KMO: variants seen among roughly 807,000 people sequenced by gnomAD.
KMO encodes kynurenine 3-hydroxylase.
In KMO, 24 loss-of-function variants were observed where a neutral mutation model predicts 57.8. That is an observed-to-expected ratio of 0.42 (90% CI 0.30 to 0.58). The LOEUF is 0.58. Among genes scored for constraint, KMO ranks in the 20% least tolerant of loss-of-function variants. The pLI is 0.22. For synonymous variants in KMO, 210 were observed against 193.6 expected (o/e 1.08, Z -0.70); for missense variants, 483 against 588.2 (o/e 0.82, Z 1.85).
chr1:241,548,096 C>CACACACACACACACACAT (rs1411868408), intron 1 of KMO, among the ~76,000 whole-genome samples: 3 of 151,814 alleles, frequency 2.0e-5, no homozygotes, highest in Non-Finnish European at 4.4e-5. Context: ...AAAACACACA[C>CACACACACACACACACAT]ACACACACAC....
At chr1:241,566,460 C>A (rs769818360) in intron 8 of KMO, 31 bp from the exon 9 acceptor site, 2 of 1,595,666 alleles carry the variant, frequency 1.3e-6, no homozygotes, top group South Asian at 2.3e-5. Flanking sequence ...GGCCCCCATC[C>A]CCTTTCACTC....
chr1:241,566,435 G>C, intron 8 of KMO, 56 bp from the exon 9 acceptor site: 4 of 1,573,208 alleles, frequency 2.5e-6, no homozygotes, highest in Non-Finnish European at 3.4e-6. Context: ...GAGCCACCTA[G>C]TGCCAGCGTC....
chr1:241,577,584 G>C (rs373391844), intron 10 of KMO, among the ~76,000 whole-genome samples: 1 of 152,068 alleles, frequency 6.6e-6, no homozygotes, highest in Non-Finnish European at 1.5e-5. Flanking sequence ...AATGTGCTTG[G>C]TGTGTGTACA....
chr1:241,552,415 T>C (rs1029728042), intron 4 of KMO, among the ~76,000 whole-genome samples: 8 of 152,204 alleles, frequency 5.3e-5, no homozygotes, highest in Non-Finnish European at 8.8e-5. Flanking sequence ...TATGGCGGCC[T>C]CCTTGCCCTT....
chr1:241,556,729 G>GAAAA (rs948015393), intron 5 of KMO, among the ~76,000 whole-genome samples: 1 of 148,972 alleles, frequency 6.7e-6, no homozygotes, highest in Non-Finnish European at 1.5e-5. Context: ...AATACAAAAA[G>GAAAA]AAAAAAAAAA....
At chr1:241,573,165 AT>A (rs1662369709) in intron 10 of KMO, among the ~76,000 whole-genome samples, 1 of 151,872 alleles carries the variant, frequency 6.6e-6, no homozygotes, top group Admixed American at 6.6e-5. Flanking sequence ...TTTTTTGCTA[AT>A]TTTTGTAGAG....
intron 12 of KMO, 124 bp from the exon 13 acceptor site, chr1:241,589,888 A>G (rs545842061): frequency 1.3e-6 from 1 of 785,610 alleles, no homozygotes; most frequent in Non-Finnish European, 2.1e-6. Context: ...TTATGGAAAC[A>G]AAAAATTATT....
At chr1:241,573,362 A>G (rs1313027381) in intron 10 of KMO, among the ~76,000 whole-genome samples, 3 of 152,074 alleles carry the variant, frequency 2.0e-5, no homozygotes, top group East Asian at 1.9e-4. Flanking sequence ...GCCAATGTCC[A>G]GAGGAGTTTC....
At chr1:241,575,407 T>G (rs1662472251) in intron 10 of KMO, among the ~76,000 whole-genome samples, 1 of 152,156 alleles carries the variant, frequency 6.6e-6, no homozygotes, top group Non-Finnish European at 1.5e-5. Flanking sequence ...CATTTAATGC[T>G]ATAAACTTTC....
Position 241,532,573 on chromosome 1 carries a change from G to A in KMO, c.54+75G>A, listed in dbSNP as rs556168085. ...TTATTACTCGTAATGATTATTATTC[G>A]TCACTTCTGCAAATTGTTAATTTTC... On this transcript the variant is annotated intron_variant, in intron 1 of 14. Transcript: ENST00000366559. 5.9e-5 allele frequency: 64 copies of A among 1,082,434 alleles called. 1 individual carries two copies. The highest frequency in any genetic ancestry group is 2.7e-4 in the South Asian group (18 of 66,314). 67.1% of individuals were successfully genotyped at this position (1,082,434 alleles called of 1,614,324 possible). A position where few individuals can be genotyped will look rare whatever the true frequency, so the allele number is the denominator to read the frequency against.
chr1:241,545,031 C>T (rs924374889), intron 1 of KMO, among the ~76,000 whole-genome samples: 1 of 152,074 alleles, frequency 6.6e-6, no homozygotes, highest in East Asian at 1.9e-4. Context: ...TCTTGGTAAC[C>T]TTTGAGTCCC....
intron 4 of KMO, among the ~76,000 whole-genome samples, chr1:241,552,025 A>G (rs1661416543): frequency 6.6e-6 from 1 of 152,134 alleles, no homozygotes; most frequent in African/African-American, 2.4e-5. Context: ...CCAAGTCATC[A>G]TAGCCGCCCC....
At chr1:241,559,250 G>A (rs999833003) in intron 5 of KMO, among the ~76,000 whole-genome samples, 3 of 151,918 alleles carry the variant, frequency 2.0e-5, no homozygotes, top group Non-Finnish European at 4.4e-5. Flanking sequence ...CTCAATTTAG[G>A]ATAGCCACAC....
At chr1:241,542,012 ATATAT>A (rs1259808452) in intron 1 of KMO, among the ~76,000 whole-genome samples, 12 of 152,220 alleles carry the variant, frequency 7.9e-5, no homozygotes, top group African/African-American at 2.2e-4. Context: ...TTAATTTCAA[ATATAT>A]TATATCAAAA....
chr1:241,562,966 G>C (rs113053372), intron 7 of KMO, among the ~76,000 whole-genome samples: 1,550 of 151,618 alleles, frequency 0.01, 31 homozygotes, highest in African/African-American at 0.035. Flanking sequence ...GAAGGGAAGG[G>C]AGAAGTTACA....
chr1:241,535,973 T>C (rs1312684740), intron 1 of KMO, among the ~76,000 whole-genome samples: 1 of 152,246 alleles, frequency 6.6e-6, no homozygotes, highest in Non-Finnish European at 1.5e-5. Context: ...GATTATTTTA[T>C]CTTTGGCTCC....
At chr1:241,543,367 A>G (rs1661023742) in intron 1 of KMO, among the ~76,000 whole-genome samples, 1 of 152,182 alleles carries the variant, frequency 6.6e-6, no homozygotes, top group African/African-American at 2.4e-5. Flanking sequence ...GCATATGTCT[A>G]TAGTTTAGTT....
At position 241,594,116 on chromosome 1, in the gene KMO, T is replaced by C. The variant is rs1663420427; in HGVS notation, c.*1963T>C. On this transcript the variant is annotated 3_prime_UTR_variant, in exon 15 of 15. Transcript: ENST00000366559. Reference sequence around the variant, plus strand: ...TTCGAGAAAAATGCATTACGTGTTTTGGAAAATAGAGTAATTTAAAAAATA... The same window carrying C: ...TTCGAGAAAAATGCATTACGTGTTTCGGAAAATAGAGTAATTTAAAAAATA... The C allele has an allele frequency of 1.0e-5, 3 of 295,494 alleles. No individual in the cohort carries two copies. The South Asian group carries it at 1.9e-4, about 19-fold the overall frequency. The allele number at this position is 295,494 out of a possible 1,614,324, so 18.3% of individuals were successfully genotyped here. A position where few individuals can be genotyped will look rare whatever the true frequency, so the allele number is the denominator to read the frequency against.
chr1:241,558,490 T>C (rs1323243742), intron 5 of KMO, among the ~76,000 whole-genome samples: 1 of 152,220 alleles, frequency 6.6e-6, no homozygotes, highest in Admixed American at 6.5e-5. Flanking sequence ...TGTTGCTACA[T>C]GATTTCCCTA....
Sources: allele counts gnomAD v4.1 joint callset (sites outside exome capture counted in the v4.1 genomes callset), GRCh38; gene constraint gnomAD v4.1.1; transcripts MANE v1.5; gene names NCBI Gene and HGNC (gene_info 2026-07-23, HGNC 2026-07-21).